CAMK2D: variants seen among roughly 807,000 people sequenced by gnomAD.
CAMK2D encodes calcium/calmodulin dependent protein kinase II delta.
Under a neutral mutation model 84.0 loss-of-function variants are expected in CAMK2D, and 37 were observed. The ratio of observed to expected loss-of-function variants is 0.44; its 90% CI spans 0.34 to 0.58. The LOEUF (loss-of-function observed/expected upper bound fraction) is 0.58. Ranked by LOEUF, CAMK2D falls within the 20% of genes least tolerant of loss-of-function variation. CAMK2D has a pLI of 0.02. For synonymous variants in CAMK2D, 202 were observed against 212.5 expected (o/e 0.95, Z 0.43); for missense variants, 448 against 652.5 (o/e 0.69, Z 3.41).
intron 7 of CAMK2D, among the ~76,000 whole-genome samples, chr4:113,536,772 C>T (rs1008847823): frequency 1.3e-5 from 2 of 152,050 alleles, no homozygotes; most frequent in African/African-American, 4.8e-5. Flanking sequence ...TGTAAAGAAG[C>T]AGAAATTTCA....
intron 16 of CAMK2D, among the ~76,000 whole-genome samples, chr4:113,481,293 C>A (rs566837277): frequency 6.6e-6 from 1 of 152,200 alleles, no homozygotes; most frequent in South Asian, 2.1e-4. Flanking sequence ...TTGCCCAACA[C>A]TATTCTAGAT....
chr4:113,521,700 T>C (rs968244958), intron 8 of CAMK2D, among the ~76,000 whole-genome samples: 1 of 152,172 alleles, frequency 6.6e-6, no homozygotes, highest in African/African-American at 2.4e-5. Flanking sequence ...CTAGATATTT[T>C]GATGTTACTA....
At chr4:113,537,113 G>GT (rs1486565143) in intron 7 of CAMK2D, among the ~76,000 whole-genome samples, 2 of 152,190 alleles carry the variant, frequency 1.3e-5, no homozygotes, top group Admixed American at 6.5e-5. Flanking sequence ...AGAAAAAAGT[G>GT]TATGTCTTCT....
intron 12 of CAMK2D, among the ~76,000 whole-genome samples, chr4:113,510,434 T>G (rs1049002391): frequency 6.6e-6 from 1 of 152,124 alleles, no homozygotes; most frequent in Admixed American, 6.6e-5. Flanking sequence ...TCTTAAAGCA[T>G]ATGGGTCTTA....
At chr4:113,514,574 TGAAGTCTCCA>T (rs1241212760) in intron 10 of CAMK2D, among the ~76,000 whole-genome samples, 1 of 152,224 alleles carries the variant, frequency 6.6e-6, no homozygotes, top group Non-Finnish European at 1.5e-5. Flanking sequence ...GGAAATTTAC[TGAAGTCTCCA>T]GATCCCCCTC....
At chr4:113,677,564 C>T in intron 2 of CAMK2D, 5 of 982,220 alleles carry the variant, frequency 5.1e-6, no homozygotes, top group Non-Finnish European at 6.0e-6. Flanking sequence ...GATAATCTGT[C>T]AATCATCCAG....
intron 7 of CAMK2D, among the ~76,000 whole-genome samples, chr4:113,531,511 T>C (rs1255800711): frequency 2.0e-5 from 3 of 152,184 alleles, no homozygotes; most frequent in African/African-American, 7.2e-5. Flanking sequence ...TGAAAAAAAA[T>C]ACATCTTTTT....
chr4:113,517,177 C>T (rs1268767708), intron 9 of CAMK2D, among the ~76,000 whole-genome samples: 1 of 151,904 alleles, frequency 6.6e-6, no homozygotes, highest in East Asian at 1.9e-4. Flanking sequence ...TATGTGATCA[C>T]AGCAAAATAT....
intron 2 of CAMK2D, among the ~76,000 whole-genome samples, chr4:113,694,909 AC>A (rs1243174129): frequency 6.6e-6 from 1 of 152,208 alleles, no homozygotes; most frequent in East Asian, 1.9e-4. Context: ...CAGTACAGGT[AC>A]ACAGTGTTCT....
At position 113,517,543 on chromosome 4, in the gene CAMK2D, TATAA is replaced by T. The variant is rs1217407125; in HGVS notation, c.696+16_696+19del. The T allele has an allele frequency of 2.6e-6, 3 of 1,165,590 alleles. No homozygotes were observed. The highest frequency in any genetic ancestry group is 1.3e-6 in the Non-Finnish European group (1 of 788,552). 72.2% of individuals were successfully genotyped at this position (1,165,590 alleles called of 1,614,324 possible). On this transcript the variant is annotated intron_variant, in intron 9 of 20. Coordinates refer to ENST00000511664, the MANE Select transcript of CAMK2D (RefSeq NM_001321571.2). ...AAAGACAAACCTTCATCTAAAGTGA[TATAA>T]ATAGTTATTACATACATCATAAGCT...
At chr4:113,604,930 C>T (rs1216159690) in intron 4 of CAMK2D, among the ~76,000 whole-genome samples, 1 of 152,216 alleles carries the variant, frequency 6.6e-6, no homozygotes, top group African/African-American at 2.4e-5. Context: ...TTTGACCTAA[C>T]ACTGAAGTGC....
At chr4:113,686,488 CA>C (rs1375955326) in intron 2 of CAMK2D, among the ~76,000 whole-genome samples, 7 of 152,158 alleles carry the variant, frequency 4.6e-5, no homozygotes. Context: ...TTCTAATTGC[CA>C]TAATAATTCA....
intron 2 of CAMK2D, among the ~76,000 whole-genome samples, chr4:113,696,088 C>T (rs2099401687): frequency 6.6e-6 from 1 of 151,952 alleles, no homozygotes; most frequent in African/African-American, 2.4e-5. Flanking sequence ...TCCTTTACCT[C>T]ATTCAAAACT....
intron 2 of CAMK2D, among the ~76,000 whole-genome samples, chr4:113,723,679 GTA>G (rs1013521176): frequency 5.3e-5 from 8 of 152,042 alleles, no homozygotes; most frequent in African/African-American, 1.9e-4. Flanking sequence ...TTATATGTGT[GTA>G]TATGTATACA....
intron 2 of CAMK2D, among the ~76,000 whole-genome samples, chr4:113,705,306 G>C (rs1184710561): frequency 7.3e-6 from 1 of 136,116 alleles, no homozygotes; most frequent in African/African-American, 2.9e-5. Flanking sequence ...CAGCCTGGGG[G>C]ACAAAGTGAG....
intron 3 of CAMK2D, among the ~76,000 whole-genome samples, chr4:113,630,948 T>C (rs1223472704): frequency 2.0e-5 from 3 of 152,172 alleles, no homozygotes. Flanking sequence ...GCCAATTGTC[T>C]AGCATATTAG....
intron 2 of CAMK2D, among the ~76,000 whole-genome samples, chr4:113,711,124 T>A (rs1233145831): frequency 2.7e-5 from 4 of 148,890 alleles, no homozygotes; most frequent in Admixed American, 6.7e-5. Context: ...TATAAATTTA[T>A]TATATTTTAT....
chr4:113,523,919 A>G (rs2098395583), intron 8 of CAMK2D, among the ~76,000 whole-genome samples: 1 of 152,038 alleles, frequency 6.6e-6, no homozygotes, highest in Admixed American at 6.6e-5. Context: ...GCTGAAGTGC[A>G]GTGGCATGAA....
At chr4:113,675,603 G>T (rs1254065158) in intron 2 of CAMK2D, among the ~76,000 whole-genome samples, 1 of 151,894 alleles carries the variant, frequency 6.6e-6, no homozygotes, top group Non-Finnish European at 1.5e-5. Context: ...AGTTCCCATG[G>T]AATCAGAGGA....
Sources: gnomAD v4.1 joint callset for allele counts (sites outside exome capture counted in the v4.1 genomes callset) on GRCh38, gnomAD v4.1.1 for gene constraint, MANE v1.5 for transcripts, NCBI Gene and HGNC (gene_info 2026-07-23, HGNC 2026-07-21) for gene names.